Variants in GNA14 observed in about 807,000 individuals in gnomAD.
The protein encoded by GNA14 is guanine nucleotide-binding protein subunit alpha-14.
A neutral mutation model predicts 42.0 loss-of-function variants in GNA14; 50 were observed. The observed-to-expected ratio is 1.19, with a 90% CI of 0.95 to 1.51. The LOEUF is 1.51. GNA14 is among the 40% of genes most tolerant of loss of function. The pLI, the probability that GNA14 is intolerant of heterozygous loss-of-function variation, is 0.00. For missense variants in GNA14, 473 were observed against 446.2 expected (o/e 1.06, Z -0.54); for synonymous variants, 173 against 163.1 (o/e 1.06, Z -0.46).
intron 1 of GNA14, among the ~76,000 whole-genome samples, chr9:77,639,587 G>T (rs978519320): frequency 1.3e-5 from 2 of 152,198 alleles, no homozygotes; most frequent in African/African-American, 4.8e-5. Context: ...ATGGTCACAG[G>T]TGATTTGCAG....
At chr9:77,522,695 T>C (rs1837377739) in intron 2 of GNA14, among the ~76,000 whole-genome samples, 1 of 152,176 alleles carries the variant, frequency 6.6e-6, no homozygotes, top group Non-Finnish European at 1.5e-5. Flanking sequence ...CCACATGCTC[T>C]GGCTGCCTTC....
intron 2 of GNA14, among the ~76,000 whole-genome samples, chr9:77,503,596 T>C (rs1460059154): frequency 2.6e-5 from 4 of 152,070 alleles, no homozygotes; most frequent in African/African-American, 9.7e-5. Context: ...GCTCAAATGC[T>C]CTATGGAAAT....
At position 77,529,063 on chromosome 9, in the gene GNA14, C is replaced by T. The variant is rs760525140; in HGVS notation, c.309+6G>A. The T allele has an allele frequency of 4.2e-5, 68 of 1,613,192 alleles. No homozygotes were observed. Among genetic ancestry groups the T allele is most frequent in the East Asian group, 1.1e-4 (5 of 44,890 alleles). On this transcript the variant is annotated splice_donor_region_variant and intron_variant, in intron 2 of 6. Coordinates refer to ENST00000341700, the MANE Select transcript of GNA14 (RefSeq NM_004297.4). Reference sequence around the variant, plus strand: ...AAATAGGGCAAGCACTCCCTAAGCACGTTACCTTATTCTGTTCACACACAT... The same window carrying T: ...AAATAGGGCAAGCACTCCCTAAGCATGTTACCTTATTCTGTTCACACACAT...
chr9:77,540,109 G>A (rs1276984823), intron 1 of GNA14, among the ~76,000 whole-genome samples: 1 of 152,024 alleles, frequency 6.6e-6, no homozygotes, highest in African/African-American at 2.4e-5. Flanking sequence ...GACATTTATT[G>A]CTATAAACTT....
intron 2 of GNA14, among the ~76,000 whole-genome samples, chr9:77,449,928 GACCCCT>G (rs531646552): frequency 1.7e-4 from 26 of 152,254 alleles, no homozygotes; most frequent in African/African-American, 6.0e-4. Context: ...CAGTGACTCA[GACCCCT>G]ACCGCCTCCC....
chr9:77,623,416 TAAAGGAG>T, intron 1 of GNA14, among the ~76,000 whole-genome samples: 1 of 152,042 alleles, frequency 6.6e-6, no homozygotes, highest in East Asian at 1.9e-4. Context: ...GTAAGCCCCA[TAAAGGAG>T]AAAGAATAAG....
intron 2 of GNA14, chr9:77,518,180 T>C (rs1837291812): frequency 6.6e-6 from 1 of 152,066 alleles, no homozygotes; most frequent in Admixed American, 6.6e-5. Context: ...ATAAAAACAC[T>C]GAGAGTTTTG....
chr9:77,544,116 C>G (rs767465861), intron 1 of GNA14, among the ~76,000 whole-genome samples: 4 of 152,110 alleles, frequency 2.6e-5, no homozygotes, highest in Non-Finnish European at 5.9e-5. Flanking sequence ...TTGAGATGTG[C>G]CAAAACATTA....
intron 2 of GNA14, among the ~76,000 whole-genome samples, chr9:77,486,345 G>C (rs1836660179): frequency 6.6e-6 from 1 of 152,146 alleles, no homozygotes; most frequent in Admixed American, 6.5e-5. Context: ...TTAGGGCCTG[G>C]CTCTGGATTC....
At chr9:77,644,119 A>T (rs550965346) in intron 1 of GNA14, among the ~76,000 whole-genome samples, 1 of 152,268 alleles carries the variant, frequency 6.6e-6, no homozygotes, top group African/African-American at 2.4e-5. Flanking sequence ...TAAAGAGGTG[A>T]TTAGGATAAA....
intron 1 of GNA14, among the ~76,000 whole-genome samples, chr9:77,628,310 G>A (rs543210978): frequency 4.3e-4 from 66 of 152,248 alleles, no homozygotes; most frequent in African/African-American, 1.1e-3. Flanking sequence ...TGGTCATACT[G>A]CTCAAAGTAA....
At chr9:77,497,019 A>G (rs139271225) in intron 2 of GNA14, among the ~76,000 whole-genome samples, 180 of 152,228 alleles carry the variant, frequency 1.2e-3, no homozygotes, top group African/African-American at 4.0e-3. Flanking sequence ...TCCAGAGGTA[A>G]TGTAATCACT....
At chr9:77,429,328 G>T (rs144765951) in intron 4 of GNA14, among the ~76,000 whole-genome samples, 1 of 152,112 alleles carries the variant, frequency 6.6e-6, no homozygotes, top group African/African-American at 2.4e-5. Flanking sequence ...GACAGAAAAC[G>T]CAAACGTTCA....
chr9:77,590,468 T>G (rs1211323010), intron 1 of GNA14, among the ~76,000 whole-genome samples: 2 of 152,208 alleles, frequency 1.3e-5, no homozygotes, highest in Non-Finnish European at 2.9e-5. Context: ...TCCTCTTTGC[T>G]TATCTGCTGG....
At chr9:77,519,931 A>AC (rs527416763) in intron 2 of GNA14, among the ~76,000 whole-genome samples, 4 of 151,994 alleles carry the variant, frequency 2.6e-5, no homozygotes, top group African/African-American at 4.8e-5. Flanking sequence ...AATCACTTGA[A>AC]CCTGGAGGCG....
At chr9:77,489,766 C>T (rs1836728840) in intron 2 of GNA14, among the ~76,000 whole-genome samples, 1 of 152,066 alleles carries the variant, frequency 6.6e-6, no homozygotes, top group Non-Finnish European at 1.5e-5. Flanking sequence ...CGTGGTCTCG[C>T]TGGGCTCAGG....
chr9:77,442,688 T>C (rs909285089), intron 2 of GNA14, among the ~76,000 whole-genome samples: 1 of 152,190 alleles, frequency 6.6e-6, no homozygotes, highest in African/African-American at 2.4e-5. Context: ...ATCTCAGATA[T>C]CAAGTACCTC....
At chr9:77,451,119 T>C (rs1032282504) in intron 2 of GNA14, among the ~76,000 whole-genome samples, 1 of 152,094 alleles carries the variant, frequency 6.6e-6, no homozygotes, top group Non-Finnish European at 1.5e-5. Flanking sequence ...GACGGCCCTA[T>C]GGGGAACATA....
At chr9:77,459,495 GTC>G (rs1216734568) in intron 2 of GNA14, among the ~76,000 whole-genome samples, 1 of 151,902 alleles carries the variant, frequency 6.6e-6, no homozygotes, top group Admixed American at 6.6e-5. Flanking sequence ...GACCCAGGAT[GTC>G]TCTTTGCAAC....
Sources: gnomAD v4.1 joint callset for allele counts (sites outside exome capture counted in the v4.1 genomes callset) on GRCh38, gnomAD v4.1.1 for gene constraint, MANE v1.5 for transcripts, NCBI Gene and HGNC (gene_info 2026-07-23, HGNC 2026-07-21) for gene names.